Variants in CTNNA2 observed in about 807,000 individuals in gnomAD.
CTNNA2 encodes catenin alpha-2.
A neutral mutation model predicts 101.0 loss-of-function variants in CTNNA2; 42 were observed. That is an observed-to-expected ratio of 0.42 (90% CI 0.32 to 0.54). CTNNA2 has a LOEUF of 0.54. Among genes scored for constraint, CTNNA2 ranks in the 20% least tolerant of loss-of-function variants. The pLI is 0.14. For synonymous variants in CTNNA2, 450 were observed against 456.4 expected (o/e 0.99, Z 0.18); for missense variants, 871 against 1,223.1 (o/e 0.71, Z 4.29).
In CTNNA2 at chr2:79,671,558, C is replaced by T. The variant is rs562621191; in HGVS notation, c.102+19900C>T. 2.6e-3 allele frequency among the ~76,000 whole-genome samples: 397 copies of T among 152,302 alleles called. 1 individual carries two copies. Among genetic ancestry groups the T allele is most frequent in the Non-Finnish European group, 3.6e-3 (247 of 68,026 alleles). On this transcript the variant is annotated intron_variant, in intron 2 of 18. Coordinates refer to ENST00000402739, the MANE Select transcript of CTNNA2 (RefSeq NM_001282597.3). Reference sequence around the variant, plus strand: ...CAGGGAATCAAGACTAAGGCTTGAACATGTATCTTTTGAAAAGGAATGGAT... The same window carrying T: ...CAGGGAATCAAGACTAAGGCTTGAATATGTATCTTTTGAAAAGGAATGGAT...
intron 1 of CTNNA2, among the ~76,000 whole-genome samples, chr2:79,578,707 T>A (rs1675951616): frequency 6.6e-6 from 1 of 152,148 alleles, no homozygotes; most frequent in Non-Finnish European, 1.5e-5. Context: ...GTTCCTGGAC[T>A]CTCTATTCTG....
At chr2:79,692,971 A>G (rs1053695590) in intron 2 of CTNNA2, among the ~76,000 whole-genome samples, 1 of 151,972 alleles carries the variant, frequency 6.6e-6, no homozygotes, top group Non-Finnish European at 1.5e-5. Flanking sequence ...GTGTATACCT[A>G]TGTAACAAAT....
intron 7 of CTNNA2, among the ~76,000 whole-genome samples, chr2:80,300,250 C>T (rs1041054124): frequency 5.4e-5 from 8 of 148,482 alleles, no homozygotes; most frequent in African/African-American, 1.7e-4. Context: ...GATGAAGTTT[C>T]CTGGCCAGGA....
At chr2:79,989,116 C>T (rs1480329816) in intron 7 of CTNNA2, among the ~76,000 whole-genome samples, 1 of 152,166 alleles carries the variant, frequency 6.6e-6, no homozygotes, top group Non-Finnish European at 1.5e-5. Context: ...TTTTGTGATA[C>T]TTATGAATTA....
intron 6 of CTNNA2, among the ~76,000 whole-genome samples, chr2:79,894,031 T>C (rs1684502025): frequency 6.9e-6 from 1 of 145,758 alleles, no homozygotes; most frequent in Non-Finnish European, 1.5e-5. Flanking sequence ...TTCTTCTTCT[T>C]CTTCTTCTTC....
At chr2:80,074,773 A>T (rs1282040545) in intron 7 of CTNNA2, among the ~76,000 whole-genome samples, 1 of 152,234 alleles carries the variant, frequency 6.6e-6, no homozygotes, top group East Asian at 1.9e-4. Context: ...TACATAATTC[A>T]GTGGAATCAC....
chr2:80,243,547 C>G (rs1327118793), intron 7 of CTNNA2, among the ~76,000 whole-genome samples: 1 of 152,032 alleles, frequency 6.6e-6, no homozygotes, highest in East Asian at 1.9e-4. Context: ...GTTTTAGCTT[C>G]TTTCTGTCAA....
chr2:79,437,894 A>C (rs1014835579), intron 4 of CTNNA2, among the ~76,000 whole-genome samples: 4 of 152,158 alleles, frequency 2.6e-5, no homozygotes, highest in African/African-American at 9.7e-5. Context: ...CACGCTTTCC[A>C]GGGTCTTTTC....
At chr2:79,678,667 A>G (rs933796210) in intron 2 of CTNNA2, among the ~76,000 whole-genome samples, 2 of 152,082 alleles carry the variant, frequency 1.3e-5, no homozygotes, top group African/African-American at 4.8e-5. Flanking sequence ...CCAGCTGCAG[A>G]TCCCTCCCTG....
chr2:79,916,833 G>C (rs547247660), intron 7 of CTNNA2, among the ~76,000 whole-genome samples: 1 of 151,800 alleles, frequency 6.6e-6, no homozygotes, highest in African/African-American at 2.4e-5. Context: ...CCGTGTTAGC[G>C]AGGATGGTCT....
In CTNNA2 at chr2:80,648,049, G is replaced by C. The variant is rs1674297728; in HGVS notation, c.*177G>C. On this transcript the variant is annotated 3_prime_UTR_variant, in exon 19 of 19. Transcript: ENST00000402739. ...GATCAATACTACTGATCCATCTGTA[G>C]CCTGGGAAGGAGACAGGACATTCCT... is the stretch of plus-strand genomic sequence containing the variant. 1.8e-6 allele frequency: 1 copy of C among 563,842 alleles called. No homozygotes were observed. Among genetic ancestry groups the C allele is most frequent in the East Asian group, 3.0e-5 (1 of 33,212 alleles). 34.9% of individuals were successfully genotyped at this position (563,842 alleles called of 1,614,324 possible).
At chr2:80,328,526 G>T (rs931381813) in intron 7 of CTNNA2, among the ~76,000 whole-genome samples, 22 of 152,188 alleles carry the variant, frequency 1.4e-4, no homozygotes, top group Admixed American at 1.3e-3. Flanking sequence ...GCTGGAGTGG[G>T]TCAGCCCTGA....
intron 2 of CTNNA2, among the ~76,000 whole-genome samples, chr2:79,731,887 T>C (rs1687222269): frequency 6.6e-6 from 1 of 151,762 alleles, no homozygotes; most frequent in Non-Finnish European, 1.5e-5. Context: ...AGAGCAAAAA[T>C]AAATATTCAG....
intron 2 of CTNNA2, among the ~76,000 whole-genome samples, chr2:79,245,731 T>C (rs912935448): frequency 3.3e-5 from 5 of 152,232 alleles, no homozygotes; most frequent in African/African-American, 1.2e-4. Flanking sequence ...ATTGGACTTA[T>C]ATTCTAAGAG....
chr2:79,896,153 T>A (rs1684698854), intron 6 of CTNNA2, among the ~76,000 whole-genome samples: 1 of 152,022 alleles, frequency 6.6e-6, no homozygotes, highest in Admixed American at 6.5e-5. Context: ...TGTGGTGCCA[T>A]GTGCCTGTAG....
At chr2:80,010,552 T>A (rs890175552) in intron 7 of CTNNA2, among the ~76,000 whole-genome samples, 1 of 152,136 alleles carries the variant, frequency 6.6e-6, no homozygotes, top group Non-Finnish European at 1.5e-5. Context: ...GATCCTTGTG[T>A]CTTGGCCTTC....
intron 1 of CTNNA2, among the ~76,000 whole-genome samples, chr2:79,613,261 T>C (rs1678404832): frequency 6.6e-6 from 1 of 151,922 alleles, no homozygotes; most frequent in Non-Finnish European, 1.5e-5. Context: ...GGAAGTCATA[T>C]CAGACTCACA....
intron 2 of CTNNA2, among the ~76,000 whole-genome samples, chr2:79,311,253 C>T (rs796169919): frequency 1.3e-5 from 2 of 151,840 alleles, no homozygotes; most frequent in African/African-American, 4.8e-5. Flanking sequence ...ACTAAAAATA[C>T]AAAAAATTAG....
intron 7 of CTNNA2, among the ~76,000 whole-genome samples, chr2:80,194,672 G>A (rs917441158): frequency 6.6e-6 from 1 of 151,142 alleles, no homozygotes; most frequent in South Asian, 2.1e-4. Context: ...TACCCTTGAG[G>A]AGACAGGCGA....
Sources: allele counts gnomAD v4.1 joint callset (sites outside exome capture counted in the v4.1 genomes callset), GRCh38; gene constraint gnomAD v4.1.1; transcripts MANE v1.5; gene names NCBI Gene and HGNC (gene_info 2026-07-23, HGNC 2026-07-21).